Variants in LMBR1 observed in about 807,000 individuals in gnomAD.
LMBR1 encodes limb development membrane protein 1, also known as limb region 1 protein homolog.
LMBR1 carries 52 observed loss-of-function variants against 73.9 expected under a neutral mutation model. The observed-to-expected ratio is 0.70, with a 90% confidence interval of 0.56 to 0.89. The LOEUF (loss-of-function observed/expected upper bound fraction) is 0.89, where lower values mean the gene tolerates loss of function less well. Among genes scored for constraint, LMBR1 ranks in the 40% least tolerant of loss-of-function variants. The pLI is 0.00. For missense variants in LMBR1, 539 were observed against 579.8 expected (o/e 0.93, Z 0.72); for synonymous variants, 215 against 209.4 (o/e 1.03, Z -0.23).
At chr7:156,770,680 G>A (rs577293444) in intron 5 of LMBR1, among the ~76,000 whole-genome samples, 174 of 152,252 alleles carry the variant, frequency 1.1e-3, no homozygotes, top group African/African-American at 4.1e-3. Flanking sequence ...TTTAAAGGGG[G>A]AGGCAGGAGG....
chr7:156,747,924 T>C (rs115138737), intron 9 of LMBR1: 3 of 152,180 alleles, frequency 2.0e-5, no homozygotes, highest in African/African-American at 7.2e-5. Flanking sequence ...CACTACTTAC[T>C]GTACACCACA....
rs190818428 is a variant in LMBR1 at position 156,800,050 on chromosome 7, A to G, written c.320-3558T>C. On this transcript the variant is annotated intron_variant, in intron 4 of 16. Transcript: ENST00000353442. Reference sequence around the variant, plus strand: ...AGGTTTAAGGAAAGAAGCCACCTCCATAACATAAAAGTGCAAGGTGAAGCA... The same window carrying G: ...AGGTTTAAGGAAAGAAGCCACCTCCGTAACATAAAAGTGCAAGGTGAAGCA... 5.1e-4 allele frequency among the ~76,000 whole-genome samples: 77 copies of G among 152,352 alleles called. No individual in the cohort carries two copies. In the East Asian group the frequency reaches 0.014, roughly 27 times the overall value.
chr7:156,771,517 C>T (rs76484648), intron 5 of LMBR1, among the ~76,000 whole-genome samples: 6,147 of 152,130 alleles, frequency 0.04, 401 homozygotes, highest in African/African-American at 0.14. Flanking sequence ...AACATACAGC[C>T]TCCCAAGACT....
intron 5 of LMBR1, among the ~76,000 whole-genome samples, chr7:156,793,656 GATA>G (rs970958721): frequency 2.0e-5 from 3 of 152,110 alleles, no homozygotes; most frequent in Non-Finnish European, 2.9e-5. Context: ...AATATTTAGT[GATA>G]ATAAGTATTC....
chr7:156,763,128 A>C lies in LMBR1; in HGVS notation c.599T>G (p.Met200Arg), dbSNP rs573615009. 7.1e-7 allele frequency: 1 copy of C among 1,403,246 alleles called. No individual in the cohort carries two copies. The highest frequency in any genetic ancestry group is 9.9e-7 in the Non-Finnish European group (1 of 1,006,330). 86.9% of individuals were successfully genotyped at this position (1,403,246 alleles called of 1,614,324 possible). Residue 200 changes from methionine (M) to arginine (R), a missense_variant, in exon 7 of 17, where the codon ATG (methionine) becomes AGG (arginine). Around this residue, in one of 3 missense-constraint regions of LMBR1, gnomAD observed 454 missense variants for 473.4 expected, o/e 0.96. Coordinates refer to ENST00000353442, the MANE Select transcript of LMBR1 (RefSeq NM_022458.4). Reference protein sequence around the residue: ...LPYLYSCISLMGCLLLLLCTP... With the variant: ...LPYLYSCISLRGCLLLLLCTP... ...CTTACAGAGAAGTAACAAACATCCC[A>C]TCAATGATATACAGGAATATAAATA...
chr7:156,714,829 T>A (rs910172900), intron 15 of LMBR1, among the ~76,000 whole-genome samples: 1 of 151,876 alleles, frequency 6.6e-6, no homozygotes, highest in African/African-American at 2.4e-5. Context: ...TGCAAACACA[T>A]AAAGACTGAC....
At chr7:156,853,190 G>A (rs1457917611) in intron 1 of LMBR1, among the ~76,000 whole-genome samples, 2 of 151,970 alleles carry the variant, frequency 1.3e-5, no homozygotes, top group Non-Finnish European at 2.9e-5. Flanking sequence ...TGCCCGCCTT[G>A]GCCTCCCAAA....
chr7:156,702,260 A>G, intron 15 of LMBR1, among the ~76,000 whole-genome samples: 1 of 152,080 alleles, frequency 6.6e-6, no homozygotes, highest in Non-Finnish European at 1.5e-5. Flanking sequence ...AAGTGTTCCT[A>G]TTTCTCCACC....
intron 1 of LMBR1, among the ~76,000 whole-genome samples, chr7:156,849,535 G>C (rs759851460): frequency 1.5e-4 from 23 of 152,160 alleles, no homozygotes; most frequent in Non-Finnish European, 2.2e-4. Context: ...AAAAGTCATG[G>C]AGGAAACTTA....
In LMBR1 at chr7:156,762,157, C is replaced by G. The variant is rs905115023; in HGVS notation, c.661G>C (p.Gly221Arg). ...VGLSRMFTVMGQLLVKPTILE... is the reference protein window; with the variant it reads ...VGLSRMFTVMRQLLVKPTILE... ...ACTGTTGGCTTCACTAGCAACTGAC[C>G]CATCACTGTGAACATACGAGAAAGG... The change falls in exon 8 of 17, where the codon GGT becomes CGT. Residue 221 changes from glycine to arginine, a missense_variant. By Grantham distance (125) the Gly-to-Arg change is moderately radical. Transcript: ENST00000353442. 6.2e-7 allele frequency: 1 copy of G among 1,609,530 alleles called. No homozygotes were observed. The highest frequency in any genetic ancestry group is 8.5e-7 in the Non-Finnish European group (1 of 1,176,280).
chr7:156,806,222 G>A (rs960667181), intron 4 of LMBR1, among the ~76,000 whole-genome samples: 8 of 152,042 alleles, frequency 5.3e-5, no homozygotes, highest in Admixed American at 3.9e-4. Flanking sequence ...TAAGTATTTC[G>A]TATTTTTGAT....
intron 4 of LMBR1, among the ~76,000 whole-genome samples, chr7:156,798,823 C>T (rs1585862577): frequency 2.6e-5 from 4 of 152,142 alleles, no homozygotes; most frequent in Middle Eastern, 6.8e-3. Flanking sequence ...CAGTGTGTCA[C>T]GAATTATATT....
chr7:156,676,159 C>G (rs1803950773), downstream of LMBR1: 2 of 1,118,852 alleles, frequency 1.8e-6, no homozygotes, highest in African/African-American at 1.6e-5. Flanking sequence ...GTTTGAAATT[C>G]TGGAAGTTCC....
rs112090448 is a variant in LMBR1 at position 156,716,709 on chromosome 7, T to C, written c.1225+7403A>G. On this transcript the variant is annotated intron_variant, in intron 15 of 16. Coordinates refer to ENST00000353442, the MANE Select transcript of LMBR1 (RefSeq NM_022458.4). ...AATAAAAGGACATCCGCTTAGAATCTACTTCACAAACACTACTCTCACAAT... is the reference window on the plus strand; with the variant it reads ...AATAAAAGGACATCCGCTTAGAATCCACTTCACAAACACTACTCTCACAAT... Among the ~76,000 whole-genome samples the C allele has an allele frequency of 7.7e-3, 1,175 of 152,336 alleles. 16 individuals are homozygous for C. Among genetic ancestry groups the C allele is most frequent in the African/African-American group, 0.027 (1,107 of 41,572 alleles).
intron 5 of LMBR1, among the ~76,000 whole-genome samples, chr7:156,795,535 G>A (rs1439246597): frequency 6.6e-6 from 1 of 152,116 alleles, no homozygotes; most frequent in Non-Finnish European, 1.5e-5. Flanking sequence ...CTTCTCAAGA[G>A]TCTACAATGA....
Position 156,683,177 on chromosome 7 carries a change from C to T in LMBR1, c.*901G>A, listed in dbSNP as rs1362403716. 1 of 152,062 alleles carries T rather than the reference C, an allele frequency of 6.6e-6. No individual in the cohort carries two copies. The highest frequency in any genetic ancestry group is 1.5e-5 in the Non-Finnish European group (1 of 68,004). The allele number at this position is 152,062 out of a possible 1,614,324, so 9.4% of individuals were successfully genotyped here. ...TGAAGAAAGAGGAGTTTCTACCACT[C>T]GGCATTTATAGTTTTTATATGCATT... On this transcript the variant is annotated 3_prime_UTR_variant, in exon 17 of 17. Transcript: ENST00000353442.
chr7:156,675,860 G>A, downstream of LMBR1: 1 of 1,613,088 alleles, frequency 6.2e-7, no homozygotes, highest in Non-Finnish European at 8.5e-7. Context: ...AAATCCAAGT[G>A]CAGGTAGGTT....
intron 14 of LMBR1, among the ~76,000 whole-genome samples, chr7:156,725,218 G>C (rs998432221): frequency 2.0e-5 from 3 of 152,166 alleles, no homozygotes; most frequent in Admixed American, 2.0e-4. Context: ...AAGCTCTGCA[G>C]TTCTCCGCAT....
chr7:156,724,770 G>C (rs1038121723), intron 14 of LMBR1, among the ~76,000 whole-genome samples: 19 of 80,372 alleles, frequency 2.4e-4, no homozygotes, highest in African/African-American at 9.4e-4. Context: ...ATAGCTGTGT[G>C]TGTGTGTGTG....
Sources: gnomAD v4.1 joint callset for allele counts (sites outside exome capture counted in the v4.1 genomes callset) on GRCh38, gnomAD v4.1.1 for gene constraint, gnomAD v4.1.1 regional missense constraint, MANE v1.5 for transcripts, NCBI Gene and HGNC (gene_info 2026-07-23, HGNC 2026-07-21) for gene names.